PXDNL: variants seen among roughly 807,000 people sequenced by gnomAD.
PXDNL encodes peroxidasin like, also known as probable oxidoreductase PXDNL.
A neutral mutation model predicts 150.8 loss-of-function variants in PXDNL; 145 were observed. The observed-to-expected ratio is 0.96, with a 90% CI of 0.84 to 1.10. The LOEUF (loss-of-function observed/expected upper bound fraction) is 1.10. Among genes scored for constraint, PXDNL ranks in the 50% least tolerant of loss-of-function variants. PXDNL has a pLI of 0.00. For synonymous variants in PXDNL, 757 were observed against 725.7 expected (o/e 1.04, Z -0.69); for missense variants, 2,087 against 1,873.9 (o/e 1.11, Z -2.10).
At chr8:51,567,309 G>T (rs115321569) in intron 3 of PXDNL, among the ~76,000 whole-genome samples, 1,893 of 151,814 alleles carry the variant, frequency 0.012, 12 homozygotes, top group African/African-American at 0.014. Context: ...TGATGGTGCT[G>T]TTCAGTTCAA....
chr8:51,612,304 G>C (rs1222275559), intron 2 of PXDNL, among the ~76,000 whole-genome samples: 1 of 152,130 alleles, frequency 6.6e-6, no homozygotes, highest in African/African-American at 2.4e-5. Context: ...GGCAGCAGCA[G>C]ATATAGGAGG....
chr8:51,793,863 C>G (rs1184809812), intron 1 of PXDNL, among the ~76,000 whole-genome samples: 1 of 151,826 alleles, frequency 6.6e-6, no homozygotes, highest in Non-Finnish European at 1.5e-5. Context: ...ACTGCACTAC[C>G]CTGGGCAACA....
chr8:51,734,169 T>C (rs1816989527), intron 1 of PXDNL, among the ~76,000 whole-genome samples: 1 of 152,126 alleles, frequency 6.6e-6, no homozygotes, highest in Non-Finnish European at 1.5e-5. Context: ...ACGTTTCTTA[T>C]TTGGATAATT....
At chr8:51,364,024 A>G (rs1806835730) in intron 19 of PXDNL, among the ~76,000 whole-genome samples, 1 of 152,190 alleles carries the variant, frequency 6.6e-6, no homozygotes, top group Non-Finnish European at 1.5e-5. Flanking sequence ...AATCACATCC[A>G]CTTCCAGTGT....
rs552877267 is a variant in PXDNL at position 51,351,516 on chromosome 8, G to A, written c.3902-5569C>T. Among the ~76,000 whole-genome samples the A allele has an allele frequency of 2.0e-4, 31 of 152,314 alleles. 1 individual carries two copies. The highest frequency in any genetic ancestry group is 1.1e-3 in the Admixed American group (17 of 15,294). ...CCCACACAGCCCTCAGTTGGAACCA[G>A]CCCTGCCAGCACTTGATCTTAGACT... On this transcript the variant is annotated intron_variant, in intron 19 of 22. Coordinates refer to ENST00000356297, the MANE Select transcript of PXDNL (RefSeq NM_144651.5).
At chr8:51,365,144 G>A (rs193238648) in intron 19 of PXDNL, among the ~76,000 whole-genome samples, 300 of 152,168 alleles carry the variant, frequency 2.0e-3, no homozygotes, top group Middle Eastern at 0.014. Context: ...TACTGTGTTG[G>A]CCAGCCTGGC....
intron 3 of PXDNL, among the ~76,000 whole-genome samples, chr8:51,573,096 G>T (rs1282525151): frequency 1.3e-5 from 2 of 152,110 alleles, no homozygotes; most frequent in East Asian, 3.9e-4. Flanking sequence ...AATAAGTCTA[G>T]CAAGACAGAA....
chr8:51,474,864 T>G (rs563022664), intron 7 of PXDNL, 108 bp downstream of exon 7: 1 of 948,332 alleles, frequency 1.1e-6, no homozygotes, highest in African/African-American at 1.6e-5. Flanking sequence ...TTAAAAACAC[T>G]TTCTGATAAC....
chr8:51,467,313 G>C (rs1388798389), intron 8 of PXDNL, among the ~76,000 whole-genome samples: 5 of 152,014 alleles, frequency 3.3e-5, no homozygotes, highest in Non-Finnish European at 5.9e-5. Context: ...AACAAATTCT[G>C]TTTGTCTTTA....
intron 1 of PXDNL, among the ~76,000 whole-genome samples, chr8:51,726,079 A>G (rs1346579476): frequency 6.6e-6 from 1 of 152,236 alleles, no homozygotes; most frequent in Non-Finnish European, 1.5e-5. Context: ...TCTGTCCTTG[A>G]TTCTGAGACT....
chr8:51,331,023 C>T (rs1805668370), intron 21 of PXDNL, among the ~76,000 whole-genome samples: 1 of 152,146 alleles, frequency 6.6e-6, no homozygotes, highest in Admixed American at 6.5e-5. Flanking sequence ...ATTGCGGAGG[C>T]TTGCATTGTG....
chr8:51,497,928 T>G (rs1446814179), intron 5 of PXDNL, among the ~76,000 whole-genome samples: 2 of 152,208 alleles, frequency 1.3e-5, no homozygotes, highest in East Asian at 3.9e-4. Context: ...ATCCCATTAC[T>G]GGGTATATAC....
intron 1 of PXDNL, among the ~76,000 whole-genome samples, chr8:51,680,736 G>C (rs7831731): frequency 6.6e-6 from 1 of 152,142 alleles, no homozygotes; most frequent in Non-Finnish European, 1.5e-5. Context: ...ACTACTGCTC[G>C]CTCGCTGTGT....
chr8:51,540,630 A>G (rs567493316), intron 4 of PXDNL, among the ~76,000 whole-genome samples: 41 of 152,188 alleles, frequency 2.7e-4, no homozygotes, highest in Non-Finnish European at 5.3e-4. Flanking sequence ...TGTAATCCAC[A>G]ATATAATCTA....
rs1810380531 is a variant in PXDNL at position 51,472,893 on chromosome 8, A to T, written c.695-589T>A. Among the ~76,000 whole-genome samples, 3 of 152,210 alleles carry T rather than the reference A, an allele frequency of 2.0e-5. No homozygotes were observed. In the South Asian group the frequency reaches 6.2e-4, roughly 32 times the overall value. Reference sequence around the variant, plus strand: ...AATCAGGTAGTATTATTGAACTTAAATTATAAAGAACAATGTACAAAAGGG... The same window carrying T: ...AATCAGGTAGTATTATTGAACTTAATTTATAAAGAACAATGTACAAAAGGG... On this transcript the variant is annotated intron_variant, in intron 7 of 22. Coordinates refer to ENST00000356297, the MANE Select transcript of PXDNL (RefSeq NM_144651.5).
rs1585555223 is a variant in PXDNL, at chr8:51,532,338, A to G, written c.380+24502T>C. Among the ~76,000 whole-genome samples the G allele has an allele frequency of 1.3e-5, 2 of 152,338 alleles. 1 individual carries two copies. Among genetic ancestry groups the G allele is most frequent in the South Asian group, 4.1e-4 (2 of 4,830 alleles). On this transcript the variant is annotated intron_variant, in intron 4 of 22. Transcript: ENST00000356297. ...CAAAAGACTTCAGTTTGCATTTGGC[A>G]GTACCGTTCACCAACTGTGCAACAA...
At chr8:51,321,747 A>G (rs1420235824) in intron 21 of PXDNL, among the ~76,000 whole-genome samples, 3 of 152,154 alleles carry the variant, frequency 2.0e-5, no homozygotes, top group Non-Finnish European at 2.9e-5. Flanking sequence ...ACTGTAAGTC[A>G]ACTAAACCTA....
rs12544894 is a variant in PXDNL, at chr8:51,760,797, C to T, written c.164+48384G>A. Among the ~76,000 whole-genome samples, 421 of 148,894 alleles carry T rather than the reference C, an allele frequency of 2.8e-3. 4 individuals carry two copies. Among genetic ancestry groups the T allele is most frequent in the Admixed American group, 0.02 (302 of 14,802 alleles). ...TGTGTGCTTTAGTTCATGGTGAAAT[C>T]CCTGTTCCCAGCCAGGTTCATGGTT... is the stretch of plus-strand genomic sequence containing the variant. On this transcript the variant is annotated intron_variant, in intron 1 of 22. Transcript: ENST00000356297.
At chr8:51,604,105 A>G (rs2130691474) in intron 2 of PXDNL, among the ~76,000 whole-genome samples, 1 of 152,256 alleles carries the variant, frequency 6.6e-6, no homozygotes, top group Admixed American at 6.5e-5. Context: ...AAAATCCATT[A>G]CTAATACTAG....
Sources: allele counts gnomAD v4.1 joint callset (sites outside exome capture counted in the v4.1 genomes callset), GRCh38; gene constraint gnomAD v4.1.1; transcripts MANE v1.5; gene names NCBI Gene and HGNC (gene_info 2026-07-23, HGNC 2026-07-21).